GALNT13: variants seen among roughly 807,000 people sequenced by gnomAD.
The protein encoded by GALNT13 is UDP-GalNAc:polypeptide N-acetylgalactosaminyltransferase 13.
Under a neutral mutation model 64.2 loss-of-function variants are expected in GALNT13, and 28 were observed. The ratio of observed to expected loss-of-function variants is 0.44; its 90% confidence interval spans 0.32 to 0.60. The LOEUF is 0.60. Among genes scored for constraint, GALNT13 ranks in the 20% least tolerant of loss-of-function variants. The pLI is 0.05. For missense variants in GALNT13, 577 were observed against 669.8 expected, an observed-to-expected ratio of 0.86 and a Z score of 1.53; for synonymous variants, 214 against 224.6, an observed-to-expected ratio of 0.95 and a Z score of 0.42.
chr2:153,649,256 G>A, the GALNT13 span, among the ~76,000 whole-genome samples: 42,874 of 152,024 alleles, frequency 0.28, 6,421 homozygotes, highest in Admixed American at 0.4. Flanking sequence ...TTGCACAGAG[G>A]TGTTTATAGT....
chr2:154,442,762 G>A (rs2105483429), intron 12 of GALNT13, among the ~76,000 whole-genome samples: 1 of 152,060 alleles, frequency 6.6e-6, no homozygotes, highest in East Asian at 1.9e-4. Flanking sequence ...TAACTAGGCA[G>A]CTACATACAG....
chr2:153,178,182 T>C, the GALNT13 span, among the ~76,000 whole-genome samples: 3 of 152,218 alleles, frequency 2.0e-5, no homozygotes, highest in Non-Finnish European at 4.4e-5. Context: ...AGTACAGATA[T>C]CTCTTTGACA....
At chr2:153,293,772 T>TGG in the GALNT13 span, among the ~76,000 whole-genome samples, 3 of 109,778 alleles carry the variant, frequency 2.7e-5, no homozygotes, top group South Asian at 5.1e-4. Context: ...TGTGTGTGTG[T>TGG]GTGTGTGTGT....
chr2:153,258,678 G>A, the GALNT13 span, among the ~76,000 whole-genome samples: 3 of 151,894 alleles, frequency 2.0e-5, no homozygotes, highest in African/African-American at 7.3e-5. Flanking sequence ...TTTATTTCAA[G>A]ACATTTTAAA....
In GALNT13 at chr2:154,324,404, A is replaced by C. The variant is rs1313133306; in HGVS notation, c.1156+22815A>C. On this transcript the variant is annotated intron_variant, in intron 9 of 12. Coordinates refer to ENST00000392825, the MANE Select transcript of GALNT13 (RefSeq NM_052917.4). Reference sequence around the variant, plus strand: ...AAATCTCAACTTTGTCCACTGGAGGATATTCAGCAATACAACATGTGATGA... The same window carrying C: ...AAATCTCAACTTTGTCCACTGGAGGCTATTCAGCAATACAACATGTGATGA... Among the ~76,000 whole-genome samples, 3 of 152,030 alleles carry C rather than the reference A, an allele frequency of 2.0e-5. No homozygotes were observed. The South Asian group carries it at 6.2e-4, about 32-fold the overall frequency.
At chr2:154,427,287 A>C (rs576119498) in intron 11 of GALNT13, among the ~76,000 whole-genome samples, 1 of 152,244 alleles carries the variant, frequency 6.6e-6, no homozygotes, top group Admixed American at 6.5e-5. Context: ...TCTAGAGCCC[A>C]TTGTTGCAGT....
chr2:153,492,617 G>A, the GALNT13 span, among the ~76,000 whole-genome samples: 1 of 152,090 alleles, frequency 6.6e-6, no homozygotes, highest in Non-Finnish European at 1.5e-5. Context: ...AAAAACAACA[G>A]AGGAAAAACG....
chr2:153,373,930 A>G, the GALNT13 span, among the ~76,000 whole-genome samples: 3 of 152,162 alleles, frequency 2.0e-5, no homozygotes, highest in Non-Finnish European at 4.4e-5. Flanking sequence ...ACATTGCTGC[A>G]TGTGCCAAAA....
In GALNT13 at chr2:154,391,475, A is replaced by G. The variant is rs570325252; in HGVS notation, c.1157-4516A>G. On this transcript the variant is annotated intron_variant, in intron 9 of 12. Transcript: ENST00000392825. ...TGCATATTAACTAGATTTTCTGGTGATGTGCCTTTAGTCTGTGCTCACAGA... is the reference window on the plus strand; with the variant it reads ...TGCATATTAACTAGATTTTCTGGTGGTGTGCCTTTAGTCTGTGCTCACAGA... Among the ~76,000 whole-genome samples the G allele has an allele frequency of 5.3e-5, 8 of 152,228 alleles. No individual in the cohort carries two copies. The South Asian group carries it at 1.7e-3, about 32-fold the overall frequency.
chr2:153,475,258 G>C, the GALNT13 span, among the ~76,000 whole-genome samples: 1 of 152,160 alleles, frequency 6.6e-6, no homozygotes, highest in Non-Finnish European at 1.5e-5. Context: ...TTGTTGGCAG[G>C]AAGTAGTCTC....
the GALNT13 span, among the ~76,000 whole-genome samples, chr2:153,543,350 C>G: frequency 8.5e-5 from 13 of 152,282 alleles, no homozygotes; most frequent in Admixed American, 6.5e-4. Context: ...TGCCCTGTGA[C>G]CAGCCCATTT....
chr2:154,107,279 C>T (rs1173341236), intron 3 of GALNT13, among the ~76,000 whole-genome samples: 1 of 152,102 alleles, frequency 6.6e-6, no homozygotes, highest in Non-Finnish European at 1.5e-5. Flanking sequence ...TATCTGTTAA[C>T]TAAAACGCAT....
At chr2:153,391,413 G>A in the GALNT13 span, among the ~76,000 whole-genome samples, 2 of 152,038 alleles carry the variant, frequency 1.3e-5, no homozygotes, top group Non-Finnish European at 2.9e-5. Context: ...AGTAATGATT[G>A]TGTCTTCTAT....
chr2:154,158,506 T>C (rs1684552840), intron 4 of GALNT13, among the ~76,000 whole-genome samples: 1 of 152,220 alleles, frequency 6.6e-6, no homozygotes, highest in Non-Finnish European at 1.5e-5. Flanking sequence ...TTGTTGTTGT[T>C]ATGTTTAATT....
the GALNT13 span, among the ~76,000 whole-genome samples, chr2:153,360,625 G>A: frequency 2.6e-5 from 4 of 151,996 alleles, no homozygotes; most frequent in Non-Finnish European, 5.9e-5. Context: ...GCCTCTTCAG[G>A]CCTGACCCTT....
chr2:153,675,802 A>G, the GALNT13 span, among the ~76,000 whole-genome samples: 1 of 152,168 alleles, frequency 6.6e-6, no homozygotes, highest in South Asian at 2.1e-4. Flanking sequence ...AAATCAAGAA[A>G]TTCTTCAAAA....
At chr2:153,165,993 G>A in the GALNT13 span, among the ~76,000 whole-genome samples, 2 of 152,224 alleles carry the variant, frequency 1.3e-5, no homozygotes, top group Middle Eastern at 3.4e-3. Flanking sequence ...TAATTTTACC[G>A]ACACAGGAAG....
chr2:153,173,983 C>A, the GALNT13 span, among the ~76,000 whole-genome samples: 40 of 152,302 alleles, frequency 2.6e-4, no homozygotes, highest in Admixed American at 2.4e-3. Flanking sequence ...GGTCATGGGT[C>A]TCAAGCAAGT....
chr2:154,243,788 T>A (rs1471160358), intron 6 of GALNT13, among the ~76,000 whole-genome samples: 2 of 152,202 alleles, frequency 1.3e-5, no homozygotes, highest in Admixed American at 6.5e-5. Context: ...TCGTCTATAG[T>A]AGAAAATTCC....
Sources: gnomAD v4.1 joint callset for allele counts (sites outside exome capture counted in the v4.1 genomes callset) on GRCh38, gnomAD v4.1.1 for gene constraint, MANE v1.5 for transcripts, NCBI Gene and HGNC (gene_info 2026-07-23, HGNC 2026-07-21) for gene names.